RMDN1: variants seen among roughly 807,000 people sequenced by gnomAD.
RMDN1 encodes the protein regulator of microtubule dynamics 1.
Under a neutral mutation model 48.9 loss-of-function variants are expected in RMDN1, and 48 were observed. The ratio of observed to expected loss-of-function variants is 0.98; its 90% CI spans 0.78 to 1.25. The LOEUF is 1.25. Ranked by LOEUF, RMDN1 falls within the 50% of genes most tolerant of loss-of-function variation. The probability of loss-of-function intolerance (pLI) is 0.00; values close to 1 mark genes in which losing one functional copy is unlikely to be tolerated. For synonymous variants in RMDN1, 148 were observed against 132.6 expected (o/e 1.12, Z -0.80); for missense variants, 418 against 373.4 (o/e 1.12, Z -0.98).
chr8:86,508,945 A>G (rs530171820), upstream of RMDN1, among the ~76,000 whole-genome samples: 1 of 152,144 alleles, frequency 6.6e-6, no homozygotes, highest in African/African-American at 2.4e-5. Context: ...GGGCACAAGG[A>G]TTCGTCGCCA....
At chr8:86,487,323 G>A (rs565105423) in intron 3 of RMDN1, among the ~76,000 whole-genome samples, 1 of 152,268 alleles carries the variant, frequency 6.6e-6, no homozygotes, top group Non-Finnish European at 1.5e-5. Context: ...ATTAAATTCC[G>A]CCAGGCACAG....
upstream of RMDN1, among the ~76,000 whole-genome samples, chr8:86,510,115 C>A (rs186012558): frequency 2.6e-5 from 4 of 152,216 alleles, no homozygotes; most frequent in Admixed American, 1.3e-4. Context: ...CCATTGTTAC[C>A]TTTTTCTCAC....
intron 2 of RMDN1, among the ~76,000 whole-genome samples, chr8:86,495,176 C>T (rs1381963661): frequency 6.6e-6 from 1 of 152,020 alleles, no homozygotes; most frequent in Non-Finnish European, 1.5e-5. Flanking sequence ...GGGGAGGACA[C>T]AGACCCTGAA....
intron 2 of RMDN1, chr8:86,504,808 C>A: frequency 9.5e-7 from 1 of 1,052,510 alleles, no homozygotes; most frequent in Non-Finnish European, 1.5e-6. Context: ...TCCAACTATA[C>A]CTCCAACTTC....
chr8:86,489,158 T>C (rs140615011), intron 2 of RMDN1, among the ~76,000 whole-genome samples: 1 of 152,186 alleles, frequency 6.6e-6, no homozygotes, highest in African/African-American at 2.4e-5. Flanking sequence ...GTAATTTGCA[T>C]GAACCAAACC....
intron 2 of RMDN1, among the ~76,000 whole-genome samples, chr8:86,494,117 A>T (rs1816938807): frequency 6.6e-6 from 1 of 152,202 alleles, no homozygotes; most frequent in Non-Finnish European, 1.5e-5. Flanking sequence ...AGGAGGAATA[A>T]GGTTTAGAGA....
At chr8:86,469,981 TGA>T (rs1359182155), downstream of RMDN1, among the ~76,000 whole-genome samples, 2 of 152,122 alleles carry the variant, frequency 1.3e-5, no homozygotes, top group Non-Finnish European at 2.9e-5. Flanking sequence ...AAAGTGAGTA[TGA>T]GAGAAGCCAT....
intron 3 of RMDN1, among the ~76,000 whole-genome samples, chr8:86,487,670 T>TA (rs879857641): frequency 6.6e-6 from 1 of 151,536 alleles, no homozygotes; most frequent in Non-Finnish European, 1.5e-5. Context: ...TTTTTTAACA[T>TA]AAAAAAAAAT....
chr8:86,481,336 A>C (rs553492495), intron 5 of RMDN1, among the ~76,000 whole-genome samples: 1 of 152,270 alleles, frequency 6.6e-6, no homozygotes, highest in Admixed American at 6.5e-5. Context: ...GTAAAAAATA[A>C]ATAAGTATCT....
At chr8:86,486,267 TACAAAA>T (rs1815441530) in intron 4 of RMDN1, among the ~76,000 whole-genome samples, 1 of 152,104 alleles carries the variant, frequency 6.6e-6, no homozygotes, top group Non-Finnish European at 1.5e-5. Context: ...ACCAAATGTT[TACAAAA>T]ACAAAGACTT....
chr8:86,491,238 G>C (rs111743251), intron 2 of RMDN1, among the ~76,000 whole-genome samples: 1 of 151,936 alleles, frequency 6.6e-6, no homozygotes, highest in Admixed American at 6.6e-5. Flanking sequence ...AAGTTCAAGC[G>C]ATTCTCCTGC....
intron 5 of RMDN1, chr8:86,481,649 C>A (rs11984619): frequency 1.5e-5 from 5 of 332,030 alleles, no homozygotes; most frequent in East Asian, 4.4e-5. Context: ...AGGAGAAGAC[C>A]TAAGACCCAA....
chr8:86,503,375 A>ACAAAAC (rs111662137), intron 2 of RMDN1, among the ~76,000 whole-genome samples: 2 of 87,184 alleles, frequency 2.3e-5, no homozygotes, highest in Non-Finnish European at 4.0e-5. Flanking sequence ...ACAAAACAAA[A>ACAAAAC]AAAAAAAAAA....
chr8:86,474,239 T>C lies in RMDN1; in HGVS notation c.*69A>G. ...AGCCGTAGAACAGTTATAGTTCATATATTAAGTTTAGAATTAAAAGAAAAG... is the reference window on the plus strand; with the variant it reads ...AGCCGTAGAACAGTTATAGTTCATACATTAAGTTTAGAATTAAAAGAAAAG... On this transcript the variant is annotated 3_prime_UTR_variant, in exon 10 of 10. Transcript: ENST00000406452. The C allele has an allele frequency of 2.5e-6, 4 of 1,602,460 alleles. No homozygotes were observed. In the South Asian group the frequency reaches 4.5e-5, roughly 18 times the overall value.
At chr8:86,492,962 G>C (rs1816747017) in intron 2 of RMDN1, among the ~76,000 whole-genome samples, 1 of 150,882 alleles carries the variant, frequency 6.6e-6, no homozygotes, top group Non-Finnish European at 1.5e-5. Context: ...AGAGAATTAA[G>C]CAGAAATTTT....
At chr8:86,502,817 C>T (rs60982560) in intron 2 of RMDN1, among the ~76,000 whole-genome samples, 40,281 of 152,060 alleles carry the variant, frequency 0.26, 6,220 homozygotes, top group East Asian at 0.53. Flanking sequence ...GTGAGCCATA[C>T]ATGGTCTCTG....
chr8:86,480,390 T>A (rs936536582), intron 5 of RMDN1, 58 bp from the exon 6 acceptor site: 3 of 951,476 alleles, frequency 3.2e-6, no homozygotes, highest in African/African-American at 3.3e-5. Context: ...ATAAGTGCTT[T>A]ACTGTGTTTG....
intron 2 of RMDN1, among the ~76,000 whole-genome samples, chr8:86,491,482 G>A (rs1439869098): frequency 6.6e-6 from 1 of 152,038 alleles, no homozygotes; most frequent in East Asian, 1.9e-4. Context: ...TAGGCACTCG[G>A]GTGAGAGCTT....
intron 7 of RMDN1, 32 bp downstream of exon 7, chr8:86,478,891 C>A: frequency 6.5e-7 from 1 of 1,536,824 alleles, no homozygotes; most frequent in Non-Finnish European, 9.0e-7. Flanking sequence ...GTTAAGAAAT[C>A]CGTACTAACT....
Sources: gnomAD v4.1 joint callset for allele counts (sites outside exome capture counted in the v4.1 genomes callset) on GRCh38, gnomAD v4.1.1 for gene constraint, MANE v1.5 for transcripts, NCBI Gene and HGNC (gene_info 2026-07-23, HGNC 2026-07-21) for gene names.